The following RNF24 variants were observed in gnomAD, a reference collection of about 807,000 sequenced individuals.
RNF24 encodes ring finger protein 24.
In RNF24, 14 loss-of-function variants were observed where a neutral mutation model predicts 20.0. The ratio of observed to expected loss-of-function variants is 0.70; its 90% confidence interval spans 0.46 to 1.10. RNF24 has a LOEUF of 1.10. RNF24 is among the 50% of genes least tolerant of loss of function. The probability of loss-of-function intolerance (pLI) is 0.00; values close to 1 mark genes in which losing one functional copy is unlikely to be tolerated. For missense variants in RNF24, 124 were observed against 177.6 expected (o/e 0.70, Z 1.71); for synonymous variants, 45 against 61.1 (o/e 0.74, Z 1.23).
At chr20:3,992,153 T>A (rs1415632583) in intron 1 of RNF24, among the ~76,000 whole-genome samples, 1 of 152,208 alleles carries the variant, frequency 6.6e-6, no homozygotes, top group African/African-American at 2.4e-5. Flanking sequence ...GTTGGCTTTT[T>A]AAAGTATTTC....
At chr20:3,991,632 A>G (rs1980450097) in intron 1 of RNF24, among the ~76,000 whole-genome samples, 1 of 152,118 alleles carries the variant, frequency 6.6e-6, no homozygotes, top group African/African-American at 2.4e-5. Flanking sequence ...TTCTTATTTA[A>G]AAGACTTAGT....
chr20:4,007,829 T>C (rs989406359), intron 1 of RNF24, among the ~76,000 whole-genome samples: 4 of 150,730 alleles, frequency 2.7e-5, no homozygotes, highest in African/African-American at 7.3e-5. Flanking sequence ...GGTGGGAGGA[T>C]TGTTTGAGCC....
chr20:3,955,131 T>C (rs1457509045), intron 2 of RNF24, among the ~76,000 whole-genome samples: 1 of 152,260 alleles, frequency 6.6e-6, no homozygotes, highest in African/African-American at 2.4e-5. Context: ...CATCTTTTCA[T>C]GTGCTTGTTG....
At position 3,933,164 on chromosome 20, in the gene RNF24, T is replaced by C. The variant is rs1464007651; in HGVS notation, c.*899A>G. 2.6e-6 allele frequency: 1 copy of C among 379,306 alleles called. No homozygotes were observed. The highest frequency in any genetic ancestry group is 4.6e-6 in the Non-Finnish European group (1 of 215,616). The allele number at this position is 379,306 out of a possible 1,614,324, so 23.5% of individuals were successfully genotyped here. On this transcript the variant is annotated 3_prime_UTR_variant, in exon 6 of 6. Transcript: ENST00000358395. ...GAGAGGCCAAAGGGTCGGCATTCCC[T>C]TCATCCAGCCGGGCCAGAAGTATGG...
chr20:3,998,128 C>A lies in RNF24; in HGVS notation c.-8+17309G>T, dbSNP rs527445198. 3.9e-5 allele frequency among the ~76,000 whole-genome samples: 6 copies of A among 152,262 alleles called. No individual in the cohort carries two copies. In the South Asian group the frequency reaches 1.2e-3, roughly 32 times the overall value. ...CTGAAATAAAATACTTAGCATTCAGCCCATCAAGCTCACATAAGAATAAAA... is the reference window on the plus strand; with the variant it reads ...CTGAAATAAAATACTTAGCATTCAGACCATCAAGCTCACATAAGAATAAAA... On this transcript the variant is annotated intron_variant, in intron 1 of 5. Transcript: ENST00000358395.
chr20:3,987,141 GATTA>G (rs999892266), intron 1 of RNF24, among the ~76,000 whole-genome samples: 28 of 152,110 alleles, frequency 1.8e-4, no homozygotes, highest in African/African-American at 6.8e-4. Context: ...ATTGTTTTTT[GATTA>G]ATTGATGGCA....
At chr20:3,972,676 A>C (rs1165840876) in intron 1 of RNF24, among the ~76,000 whole-genome samples, 1 of 149,628 alleles carries the variant, frequency 6.7e-6, no homozygotes, top group Non-Finnish European at 1.5e-5. Context: ...CGAGGCGGGC[A>C]GATCACCTGA....
In RNF24 at chr20:3,930,867, C is replaced by T. The variant is rs1226626328; in HGVS notation, c.*3196G>A. ...GTATCCGGCAATGGTGGGAGGTCCC[C>T]TGTATCCCTCAGCTCAGACCTTCCC... On this transcript the variant is annotated 3_prime_UTR_variant, in exon 6 of 6. Transcript: ENST00000358395. 6.6e-6 allele frequency: 1 copy of T among 152,210 alleles called. No homozygotes were observed. The highest frequency in any genetic ancestry group is 1.5e-5 in the Non-Finnish European group (1 of 68,064). 9.4% of individuals were successfully genotyped at this position (152,210 alleles called of 1,614,324 possible).
chr20:3,980,483 C>T (rs1045136330), intron 1 of RNF24, among the ~76,000 whole-genome samples: 1 of 152,186 alleles, frequency 6.6e-6, no homozygotes, highest in Non-Finnish European at 1.5e-5. Context: ...TTTCATTACA[C>T]TACTCAGAAT....
intron 2 of RNF24, among the ~76,000 whole-genome samples, chr20:3,963,097 A>G (rs2091220743): frequency 1.3e-5 from 2 of 152,250 alleles, no homozygotes; most frequent in Non-Finnish European, 2.9e-5. Context: ...GATTACAATT[A>G]TATTTGTCTC....
chr20:3,962,406 A>G (rs766403887), intron 2 of RNF24, among the ~76,000 whole-genome samples: 7 of 152,198 alleles, frequency 4.6e-5, no homozygotes, highest in Admixed American at 1.3e-4. Flanking sequence ...GTAATAATAA[A>G]TGTGTTTACG....
At chr20:3,963,340 G>A (rs1217371842) in intron 2 of RNF24, among the ~76,000 whole-genome samples, 2 of 152,014 alleles carry the variant, frequency 1.3e-5, no homozygotes, top group Non-Finnish European at 1.5e-5. Flanking sequence ...TTACAGGCAT[G>A]AGCCACCACG....
intron 1 of RNF24, among the ~76,000 whole-genome samples, chr20:3,980,296 G>T (rs1979271491): frequency 6.6e-6 from 1 of 152,136 alleles, no homozygotes; most frequent in Non-Finnish European, 1.5e-5. Flanking sequence ...CTTATCGATG[G>T]TAGATATGTT....
intron 1 of RNF24, among the ~76,000 whole-genome samples, chr20:3,988,094 G>A (rs550750811): frequency 1.1e-4 from 16 of 152,222 alleles, no homozygotes; most frequent in Non-Finnish European, 1.3e-4. Context: ...AGGCCAAGGT[G>A]AGAGGACAGC....
At chr20:3,938,728 T>C (rs191141944) in intron 4 of RNF24, among the ~76,000 whole-genome samples, 1 of 152,282 alleles carries the variant, frequency 6.6e-6, no homozygotes, top group Admixed American at 6.5e-5. Flanking sequence ...ATAATGTCCT[T>C]TGAAGCACAA....
Position 3,933,819 on chromosome 20 carries a change from C to T in RNF24, c.*244G>A. 3.0e-6 allele frequency: 1 copy of T among 334,768 alleles called. No homozygotes were observed. Among genetic ancestry groups the T allele is most frequent in the Non-Finnish European group, 5.4e-6 (1 of 185,632 alleles). 20.7% of individuals were successfully genotyped at this position (334,768 alleles called of 1,614,324 possible). ...TTAGTAAGAGACCCTCATGAAGTTT[C>T]TTGAGGCAAACCCGCAGGCTCATCC... On this transcript the variant is annotated 3_prime_UTR_variant, in exon 6 of 6. Transcript: ENST00000358395.
chr20:3,984,879 A>AT (rs1979748672), intron 1 of RNF24, among the ~76,000 whole-genome samples: 1 of 151,494 alleles, frequency 6.6e-6, no homozygotes, highest in African/African-American at 2.4e-5. Context: ...GTATTTGGGT[A>AT]TTTTGTCTTT....
intron 1 of RNF24, among the ~76,000 whole-genome samples, chr20:3,995,106 T>G (rs1980755009): frequency 6.6e-6 from 1 of 152,188 alleles, no homozygotes; most frequent in African/African-American, 2.4e-5. Flanking sequence ...GCAGTAACCT[T>G]ACAGAGTTGA....
Position 3,933,339 on chromosome 20 carries a change from C to T in RNF24, c.*724G>A, listed in dbSNP as rs1471293942. ...GGCAGCCTCCTGGATCACTCAGGGACAGTGTGGACTCAGGGCCCACTCCCT... is the reference window on the plus strand; with the variant it reads ...GGCAGCCTCCTGGATCACTCAGGGATAGTGTGGACTCAGGGCCCACTCCCT... On this transcript the variant is annotated 3_prime_UTR_variant, in exon 6 of 6. Coordinates refer to ENST00000358395, the MANE Select transcript of RNF24 (RefSeq NM_001134337.3). 3 of 397,352 alleles carry T rather than the reference C, an allele frequency of 7.5e-6. No homozygotes were observed. The highest frequency in any genetic ancestry group is 1.3e-5 in the Non-Finnish European group (3 of 225,958). The allele number at this position is 397,352 out of a possible 1,614,324, so 24.6% of individuals were successfully genotyped here. A position where few individuals can be genotyped will look rare whatever the true frequency, so the allele number is the denominator to read the frequency against.
Sources: allele counts gnomAD v4.1 joint callset (sites outside exome capture counted in the v4.1 genomes callset), GRCh38; gene constraint gnomAD v4.1.1; transcripts MANE v1.5; gene names NCBI Gene and HGNC (gene_info 2026-07-23, HGNC 2026-07-21).